Variants in AUNIP observed in about 807,000 individuals in gnomAD.
AUNIP encodes aurora kinase A and ninein interacting protein.
Under a neutral mutation model 12.2 loss-of-function variants are expected in AUNIP, and 16 were observed. The observed-to-expected ratio is 1.31, with a 90% confidence interval of 0.88 to 1.99. The LOEUF (loss-of-function observed/expected upper bound fraction) is 1.99. AUNIP is among the 30% of genes most tolerant of loss of function. The pLI, the probability that AUNIP is intolerant of heterozygous loss-of-function variation, is 0.00. For missense variants in AUNIP, 411 were observed against 419.1 expected, an observed-to-expected ratio of 0.98 and a Z score of 0.17; for synonymous variants, 142 against 154.8, an observed-to-expected ratio of 0.92 and a Z score of 0.61.
intron 1 of AUNIP, among the ~76,000 whole-genome samples, chr1:25,842,102 G>A (rs1225050979): frequency 6.6e-6 from 1 of 152,182 alleles, no homozygotes; most frequent in Non-Finnish European, 1.5e-5. Context: ...GCTTAAGTGA[G>A]GAAGACATGC....
chr1:25,859,326 C>T lies in AUNIP; in HGVS notation c.32G>A (p.Cys11Tyr). The T allele has an allele frequency of 1.3e-6, 2 of 1,567,994 alleles. No homozygotes were observed. Among genetic ancestry groups the T allele is most frequent in the African/African-American group, 1.4e-5 (1 of 73,642 alleles). ...CGCCGCCGCGTCCAGCCACACGCCG[C>T]AGGCCTCCTCCTCGGGGCCTGTCCG... MRRTGPEEEA[C>Y]GVWLDAAALK... Residue 11 changes from cysteine (C) to tyrosine (Y), a missense_variant, in exon 1 of 3, where the codon TGC (cysteine) becomes TAC (tyrosine). By Grantham distance (194) the Cys-to-Tyr change is radical (BLOSUM62 -2). Transcript: ENST00000374298.
intron 1 of AUNIP, among the ~76,000 whole-genome samples, chr1:25,842,097 A>G (rs546208562): frequency 6.6e-6 from 1 of 152,350 alleles, no homozygotes; most frequent in Non-Finnish European, 1.5e-5. Context: ...ATCATGCTTA[A>G]GTGAGGAAGA....
In AUNIP at chr1:25,835,225, T is replaced by C. The variant is rs544733150; in HGVS notation, c.842A>G (p.Lys281Arg). Reference protein sequence around the residue: ...VFSWDNEKNDKDSWSQLFTED... With the variant: ...VFSWDNEKNDRDSWSQLFTED... ...AGTGAAAAGTTGACTCCAGGAGTCC[T>C]TGTCATTCTTTTCATTGTCCCAGGA... Residue 281 changes from lysine (K) to arginine (R), a missense_variant, in exon 3 of 3, where the codon AAG becomes AGG. Transcript: ENST00000374298. 1.4e-5 allele frequency: 22 copies of C among 1,614,082 alleles called. No homozygotes were observed. Among genetic ancestry groups the C allele is most frequent in the Non-Finnish European group, 1.9e-5 (22 of 1,180,028 alleles).
intron 1 of AUNIP, among the ~76,000 whole-genome samples, chr1:25,854,932 G>A (rs1557456782): frequency 6.6e-6 from 1 of 150,436 alleles, no homozygotes; most frequent in Non-Finnish European, 1.5e-5. Flanking sequence ...TGTCATTTAT[G>A]ACCTAGATTC....
rs563823067 is a variant in AUNIP, at chr1:25,851,499, ACTTTT to A, written c.78+7776_78+7780del. ...CACCAGAGAAACTATCTGGACCTGGACTTTTCTTTGCAGGAAGTTTTAAAATTACT... is the reference window on the plus strand; with the variant it reads ...CACCAGAGAAACTATCTGGACCTGGACTTTGCAGGAAGTTTTAAAATTACT... On this transcript the variant is annotated intron_variant, in intron 1 of 2. Transcript: ENST00000374298. 1.7e-4 allele frequency among the ~76,000 whole-genome samples: 26 copies of A among 152,316 alleles called. No homozygotes were observed. In the South Asian group the frequency reaches 3.7e-3, roughly 22 times the overall value.
At chr1:25,844,128 G>A (rs1021292898) in intron 1 of AUNIP, among the ~76,000 whole-genome samples, 6 of 152,070 alleles carry the variant, frequency 3.9e-5, no homozygotes, top group Non-Finnish European at 5.9e-5. Context: ...TATTTATGTA[G>A]ACAGTTGCGC....
intron 1 of AUNIP, among the ~76,000 whole-genome samples, chr1:25,858,183 A>AAAT (rs1038731861): frequency 2.0e-5 from 3 of 152,070 alleles, no homozygotes; most frequent in Admixed American, 6.5e-5. Flanking sequence ...TAATAATAAT[A>AAAT]AATAATAATA....
intron 1 of AUNIP, among the ~76,000 whole-genome samples, chr1:25,855,195 A>G (rs1171332402): frequency 6.6e-6 from 1 of 151,592 alleles, no homozygotes; most frequent in African/African-American, 2.4e-5. Flanking sequence ...TAACACTATA[A>G]CCTACCACAT....
intron 1 of AUNIP, among the ~76,000 whole-genome samples, chr1:25,857,755 C>T (rs1334778318): frequency 2.7e-5 from 4 of 150,842 alleles, no homozygotes; most frequent in Non-Finnish European, 4.4e-5. Flanking sequence ...CCCAGCTACT[C>T]GGGAGGCTGA....
rs2048448545 is a variant in AUNIP, at chr1:25,854,720, C to A, written c.78+4560G>T. Among the ~76,000 whole-genome samples the A allele has an allele frequency of 2.6e-5, 4 of 152,278 alleles. No individual in the cohort carries two copies. The South Asian group carries it at 8.3e-4, about 32-fold the overall frequency. ...TTGGGTTAAGCCTAGATGGGTGGGT[C>A]TGTCTCACAGTCTAGTGAGGTTGCA... On this transcript the variant is annotated intron_variant, in intron 1 of 2. Coordinates refer to ENST00000374298, the MANE Select transcript of AUNIP (RefSeq NM_024037.3).
Position 25,835,335 on chromosome 1 carries a change from A to G in AUNIP, c.732T>C (p.Pro244=), listed in dbSNP as rs144437659. 335 of 1,614,082 alleles carry G rather than the reference A, an allele frequency of 2.1e-4. 3 individuals are homozygous for G. The African/African-American group carries it at 4.0e-3, about 19-fold the overall frequency. Residue 244 remains proline (P), a synonymous_variant, in exon 3 of 3, where the codon CCT becomes CCC. Coordinates refer to ENST00000374298, the MANE Select transcript of AUNIP (RefSeq NM_024037.3). The part of the protein sequence containing the change: ...KVSAKENRQA[P]VLLQTYRESW... ...ATTCCCTGTATGTTTGAAGGAGGAC[A>G]GGGGCCTGCCTGTTTTCTTTGGCAG... is the stretch of plus-strand genomic sequence containing the variant.
intron 1 of AUNIP, among the ~76,000 whole-genome samples, chr1:25,844,816 G>A (rs2048371260): frequency 6.6e-6 from 1 of 152,066 alleles, no homozygotes; most frequent in Non-Finnish European, 1.5e-5. Flanking sequence ...TAGAGTCACT[G>A]AGAGCATCAT....
intron 1 of AUNIP, among the ~76,000 whole-genome samples, chr1:25,848,465 A>AGT (rs60374075): frequency 4.5e-5 from 6 of 133,466 alleles, no homozygotes; most frequent in Admixed American, 8.0e-5. Flanking sequence ...CCGGGCAAAA[A>AGT]TTTTTGAAAC....
chr1:25,847,090 T>C lies in AUNIP; in HGVS notation c.79-9536A>G, dbSNP rs2048388136. 6.6e-6 allele frequency among the ~76,000 whole-genome samples: 1 copy of C among 152,202 alleles called. No homozygotes were observed. Among genetic ancestry groups the C allele is most frequent in the Non-Finnish European group, 1.5e-5 (1 of 68,036 alleles). ...CTATTCTCCCAATTTCCAAATACTA[T>C]TTCAAGTCACATTTTCTATTTTTAT... On this transcript the variant is annotated intron_variant, in intron 1 of 2. Coordinates refer to ENST00000374298, the MANE Select transcript of AUNIP (RefSeq NM_024037.3). The surrounding 1 kb of genome is among the most constrained non-coding windows in gnomAD (Gnocchi z 4.2).
chr1:25,859,435 C>T lies in AUNIP; in HGVS notation c.-78G>A. The T allele has an allele frequency of 1.5e-6, 2 of 1,325,312 alleles. No individual in the cohort carries two copies. The highest frequency in any genetic ancestry group is 2.0e-6 in the Non-Finnish European group (2 of 1,014,696). The allele number at this position is 1,325,312 out of a possible 1,614,324, so 82.1% of individuals were successfully genotyped here. On this transcript the variant is annotated 5_prime_UTR_variant, in exon 1 of 3. Transcript: ENST00000374298. ...CAGGGAACGCCAGAACCGCGGCCGC[C>T]GACGTTCGGATCTCGCGCCAACGCT...
In AUNIP at chr1:25,836,954, A is replaced by C. The variant is rs189908832; in HGVS notation, c.220+459T>G. On this transcript the variant is annotated intron_variant, in intron 2 of 2. Coordinates refer to ENST00000374298, the MANE Select transcript of AUNIP (RefSeq NM_024037.3). ...AGGGACCTGGAAGCAAAGAACAGCCAAAGGAAGAGACATAAGCCAACTTTA... is the reference window on the plus strand; with the variant it reads ...AGGGACCTGGAAGCAAAGAACAGCCCAAGGAAGAGACATAAGCCAACTTTA... 2.3e-3 allele frequency among the ~76,000 whole-genome samples: 349 copies of C among 152,342 alleles called. 1 individual carries two copies. Among genetic ancestry groups the C allele is most frequent in the Non-Finnish European group, 3.3e-3 (224 of 68,034 alleles).
At chr1:25,832,152 G>A, downstream of AUNIP, 1 of 1,570,024 alleles carries the variant, frequency 6.4e-7, no homozygotes, top group Non-Finnish European at 8.6e-7. Flanking sequence ...ACAAGCTAGA[G>A]CTTGGACTGA....
At chr1:25,857,983 C>T (rs1215033617) in intron 1 of AUNIP, among the ~76,000 whole-genome samples, 1 of 151,200 alleles carries the variant, frequency 6.6e-6, no homozygotes, top group Admixed American at 6.6e-5. Flanking sequence ...CTGGCTAACA[C>T]GGTGAAAACC....
At chr1:25,845,770 C>G (rs1173189725) in intron 1 of AUNIP, among the ~76,000 whole-genome samples, 8 of 152,122 alleles carry the variant, frequency 5.3e-5, no homozygotes, top group African/African-American at 1.9e-4. Context: ...TATAGCTACT[C>G]ATTACATTTT....
Sources: allele counts gnomAD v4.1 joint callset (sites outside exome capture counted in the v4.1 genomes callset), GRCh38; gene constraint gnomAD v4.1.1; non-coding constraint Gnocchi (gnomAD v3.1); transcripts MANE v1.5; gene names NCBI Gene and HGNC (gene_info 2026-07-23, HGNC 2026-07-21).